EML6: variants seen among roughly 807,000 people sequenced by gnomAD.
EML6 encodes echinoderm microtubule-associated protein-like 6.
EML6 carries 154 observed loss-of-function variants against 240.1 expected under a neutral mutation model. That is an observed-to-expected ratio of 0.64 (90% confidence interval 0.56 to 0.73). The LOEUF (loss-of-function observed/expected upper bound fraction) is 0.73. EML6 is among the 30% of genes least tolerant of loss of function. The pLI is 0.00. For synonymous variants in EML6, 1,148 were observed against 899.0 expected (o/e 1.28, Z -4.95); for missense variants, 2,964 against 2,474.6 (o/e 1.20, Z -4.20).
intron 2 of EML6, among the ~76,000 whole-genome samples, chr2:54,803,020 T>A (rs1412313877): frequency 2.0e-5 from 3 of 152,166 alleles, no homozygotes; most frequent in Non-Finnish European, 4.4e-5. Context: ...AGGTCCCCTC[T>A]TTCCTGCCCA....
At chr2:54,761,911 T>C (rs1280457395) in intron 2 of EML6, among the ~76,000 whole-genome samples, 1 of 152,106 alleles carries the variant, frequency 6.6e-6, no homozygotes, top group African/African-American at 2.4e-5. Flanking sequence ...CCTTTTACCC[T>C]TAATACTAAA....
intron 17 of EML6, among the ~76,000 whole-genome samples, chr2:54,888,707 T>C (rs983922824): frequency 6.6e-6 from 1 of 152,232 alleles, no homozygotes; most frequent in African/African-American, 2.4e-5. Flanking sequence ...TTCATTTCTT[T>C]TTGGTGCTGA....
intron 20 of EML6, 73 bp from the exon 21 acceptor site, chr2:54,895,200 C>G: frequency 6.7e-7 from 1 of 1,485,732 alleles, no homozygotes; most frequent in Non-Finnish European, 9.2e-7. Flanking sequence ...TTCTTTGGAG[C>G]TATAAAAATT....
At chr2:54,796,016 A>C (rs975468881) in intron 2 of EML6, among the ~76,000 whole-genome samples, 2 of 152,174 alleles carry the variant, frequency 1.3e-5, no homozygotes, top group Non-Finnish European at 2.9e-5. Flanking sequence ...TCTAAATCTC[A>C]AAACACTGAA....
At chr2:54,844,907 G>C (rs1255598600) in intron 8 of EML6, among the ~76,000 whole-genome samples, 1 of 152,094 alleles carries the variant, frequency 6.6e-6, no homozygotes, top group Middle Eastern at 3.2e-3. Flanking sequence ...TAAAGGTTTG[G>C]GATGAAGAAT....
intron 12 of EML6, among the ~76,000 whole-genome samples, chr2:54,862,408 G>C (rs1670726860): frequency 1.6e-5 from 2 of 127,642 alleles, no homozygotes; most frequent in East Asian, 2.2e-4. Context: ...AAATTCAATA[G>C]AGAGGTTCAA....
chr2:54,807,182 AAATC>A (rs1380207602), intron 2 of EML6, among the ~76,000 whole-genome samples: 4 of 152,162 alleles, frequency 2.6e-5, no homozygotes, highest in Admixed American at 6.5e-5. Context: ...TGACTTGACA[AAATC>A]AAATGAGGAA....
chr2:54,949,070 C>A, intron 29 of EML6, 110 bp downstream of exon 29: 1 of 803,574 alleles, frequency 1.2e-6, no homozygotes, highest in South Asian at 1.6e-5. Flanking sequence ...GAGTAGGTCC[C>A]TTGGGCTCTC....
chr2:54,877,854 G>A (rs945136216), intron 16 of EML6, among the ~76,000 whole-genome samples: 1 of 152,154 alleles, frequency 6.6e-6, no homozygotes, highest in Non-Finnish European at 1.5e-5. Context: ...GAGAGGATTT[G>A]GTTTGTTAAA....
chr2:54,939,900 T>G (rs1675341620), intron 28 of EML6, among the ~76,000 whole-genome samples: 1 of 152,258 alleles, frequency 6.6e-6, no homozygotes, highest in African/African-American at 2.4e-5. Context: ...TCCAGCCATC[T>G]CAGCGGCCCG....
chr2:54,802,250 C>T (rs533608504), intron 2 of EML6, among the ~76,000 whole-genome samples: 9 of 152,204 alleles, frequency 5.9e-5, no homozygotes, highest in Admixed American at 2.0e-4. Context: ...GAATGAAATA[C>T]AGTTTTTATT....
At chr2:54,873,468 G>C (rs147548233) in intron 16 of EML6, among the ~76,000 whole-genome samples, 2 of 152,156 alleles carry the variant, frequency 1.3e-5, no homozygotes, top group African/African-American at 2.4e-5. Flanking sequence ...CCAAACTCCC[G>C]GAAGTGTGAT....
At chr2:54,798,654 A>T (rs1350744355) in intron 2 of EML6, among the ~76,000 whole-genome samples, 2 of 152,090 alleles carry the variant, frequency 1.3e-5, no homozygotes, top group Non-Finnish European at 2.9e-5. Flanking sequence ...TGTTATACTG[A>T]ATTCTAGTAG....
intron 5 of EML6, among the ~76,000 whole-genome samples, chr2:54,825,934 T>C (rs1005997092): frequency 2.6e-5 from 4 of 152,220 alleles, no homozygotes; most frequent in African/African-American, 9.7e-5. Context: ...ATCCTGCTTC[T>C]CTGAATCCAG....
intron 21 of EML6, among the ~76,000 whole-genome samples, chr2:54,898,837 C>T (rs148898801): frequency 6.6e-6 from 1 of 152,334 alleles, no homozygotes; most frequent in African/African-American, 2.4e-5. Context: ...AATCTTTACA[C>T]ACTGCATTAT....
intron 8 of EML6, among the ~76,000 whole-genome samples, chr2:54,846,644 C>G (rs1315334741): frequency 6.6e-6 from 1 of 151,950 alleles, no homozygotes; most frequent in African/African-American, 2.4e-5. Context: ...CCACCACACC[C>G]AGCTATTTTT....
intron 28 of EML6, among the ~76,000 whole-genome samples, chr2:54,933,038 C>G (rs555866554): frequency 6.6e-6 from 1 of 152,272 alleles, no homozygotes; most frequent in South Asian, 2.1e-4. Context: ...TGCCAGGATT[C>G]TGGTTTTTTC....
intron 34 of EML6, among the ~76,000 whole-genome samples, chr2:54,959,874 AAGG>A (rs1358327690): frequency 2.0e-5 from 3 of 152,236 alleles, no homozygotes; most frequent in Admixed American, 6.5e-5. Flanking sequence ...GGAATGGAGG[AAGG>A]AGGAGAAGAG....
intron 26 of EML6, among the ~76,000 whole-genome samples, chr2:54,919,250 C>A (rs113264102): frequency 1.4e-4 from 21 of 145,708 alleles, no homozygotes; most frequent in South Asian, 4.7e-4. Flanking sequence ...CTTCCCCCCC[C>A]CCCCAATCCT....
Sources: gnomAD v4.1 joint callset for allele counts (sites outside exome capture counted in the v4.1 genomes callset) on GRCh38, gnomAD v4.1.1 for gene constraint, MANE v1.5 for transcripts, NCBI Gene and HGNC (gene_info 2026-07-23, HGNC 2026-07-21) for gene names.